ENPP6: variants seen among roughly 807,000 people sequenced by gnomAD.
ENPP6 encodes the protein ectonucleotide pyrophosphatase/phosphodiesterase 6.
Under a neutral mutation model 42.0 loss-of-function variants are expected in ENPP6, and 32 were observed. The ratio of observed to expected loss-of-function variants is 0.76; its 90% CI spans 0.58 to 1.02. The LOEUF (loss-of-function observed/expected upper bound fraction) is 1.02, where lower values mean the gene tolerates loss of function less well. Ranked by LOEUF, ENPP6 falls within the 50% of genes least tolerant of loss-of-function variation. The probability of loss-of-function intolerance (pLI) is 0.00; values close to 1 mark genes in which losing one functional copy is unlikely to be tolerated. For missense variants in ENPP6, 552 were observed against 566.8 expected, an observed-to-expected ratio of 0.97 and a Z score of 0.27; for synonymous variants, 213 against 216.0, an observed-to-expected ratio of 0.99 and a Z score of 0.12.
intron 6 of ENPP6, among the ~76,000 whole-genome samples, chr4:184,100,297 G>C (rs1179911376): frequency 6.6e-6 from 1 of 152,172 alleles, no homozygotes; most frequent in African/African-American, 2.4e-5. Flanking sequence ...TAGCACCTTT[G>C]CTTTGTACCT....
intron 1 of ENPP6, among the ~76,000 whole-genome samples, chr4:184,187,270 G>T (rs1004915720): frequency 2.0e-5 from 3 of 152,232 alleles, no homozygotes; most frequent in African/African-American, 7.2e-5. Context: ...GACCTTGCTT[G>T]GTCATTGGTC....
chr4:184,098,615 T>C (rs980491177), intron 6 of ENPP6, among the ~76,000 whole-genome samples: 1 of 152,190 alleles, frequency 6.6e-6, no homozygotes, highest in Admixed American at 6.5e-5. Context: ...TCAACCACTC[T>C]TCCTTTGGGA....
At chr4:184,215,582 A>G (rs542511978) in intron 1 of ENPP6, among the ~76,000 whole-genome samples, 1 of 152,316 alleles carries the variant, frequency 6.6e-6, no homozygotes, top group Non-Finnish European at 1.5e-5. Flanking sequence ...TACAAGACAA[A>G]TCATACCCAA....
In ENPP6 at chr4:184,112,767, C is replaced by G. The variant is rs150195560; in HGVS notation, c.898G>C (p.Glu300Gln). 1.4e-4 allele frequency: 222 copies of G among 1,613,980 alleles called. No individual in the cohort carries two copies. The highest frequency in any genetic ancestry group is 1.8e-4 in the Non-Finnish European group (215 of 1,180,046). Residue 300 changes from glutamate to glutamine, a missense_variant, in exon 6 of 8, where the codon GAG (glutamate) becomes CAG (glutamine). Physicochemically the swap from Glu to Gln is conservative, Grantham distance 29. This residue lies in a region of ENPP6 where 545 missense variants were observed against 546.3 expected (regional missense o/e 1.00). Coordinates refer to ENST00000296741, the MANE Select transcript of ENPP6 (RefSeq NM_153343.4). The stretch of plus-strand genomic sequence containing the variant: ...AACCTGCTTGGGATGGCTTCTTTCT[C>G]GTAGACAGTCATGTGTTCCACTGTG... Reference protein sequence around the residue: ...LSTVEHMTVYEKEAIPSRFYY... With the variant: ...LSTVEHMTVYQKEAIPSRFYY...
chr4:184,119,729 A>G (rs950413175), intron 3 of ENPP6, among the ~76,000 whole-genome samples: 2 of 152,096 alleles, frequency 1.3e-5, no homozygotes, highest in Non-Finnish European at 2.9e-5. Flanking sequence ...TGATTGGAGC[A>G]TGGGGGCTAT....
intron 1 of ENPP6, among the ~76,000 whole-genome samples, chr4:184,208,975 C>G (rs1244064321): frequency 1.8e-4 from 26 of 143,358 alleles, no homozygotes; most frequent in Non-Finnish European, 2.6e-4. Context: ...AGCAGGAGCA[C>G]ACTGACACCT....
At chr4:184,103,078 T>G (rs1736032741) in intron 6 of ENPP6, among the ~76,000 whole-genome samples, 1 of 152,218 alleles carries the variant, frequency 6.6e-6, no homozygotes, top group Non-Finnish European at 1.5e-5. Flanking sequence ...TCTTAGAAAG[T>G]TCAAAGGGCT....
At chr4:184,122,588 C>T (rs1249723283) in intron 3 of ENPP6, among the ~76,000 whole-genome samples, 4 of 152,204 alleles carry the variant, frequency 2.6e-5, no homozygotes, top group Non-Finnish European at 5.9e-5. Flanking sequence ...TGCCAACCTG[C>T]ACTGGCACTG....
chr4:184,211,377 TAG>T (rs1267304924), intron 1 of ENPP6, among the ~76,000 whole-genome samples: 1 of 151,926 alleles, frequency 6.6e-6, no homozygotes, highest in Admixed American at 6.6e-5. Context: ...AAGAATCAAA[TAG>T]ACGCAATAAA....
intron 2 of ENPP6, among the ~76,000 whole-genome samples, chr4:184,151,866 A>T (rs1271498327): frequency 6.6e-6 from 1 of 152,180 alleles, no homozygotes; most frequent in Non-Finnish European, 1.5e-5. Context: ...CCGTGCAGTG[A>T]CTTCCTTCCT....
At chr4:184,216,779 C>T (rs540879106) in intron 1 of ENPP6, 10 of 152,192 alleles carry the variant, frequency 6.6e-5, no homozygotes, top group African/African-American at 2.2e-4. Context: ...ATTCTATTAT[C>T]GCACGGATAG....
At chr4:184,113,893 T>C (rs915862043) in intron 5 of ENPP6, among the ~76,000 whole-genome samples, 5 of 149,740 alleles carry the variant, frequency 3.3e-5, no homozygotes, top group African/African-American at 7.5e-5. Context: ...TTCCTTCCTT[T>C]CTTTCTTTTC....
At chr4:184,119,517 A>T (rs1200171248) in intron 3 of ENPP6, among the ~76,000 whole-genome samples, 1 of 152,154 alleles carries the variant, frequency 6.6e-6, no homozygotes, top group Non-Finnish European at 1.5e-5. Context: ...GGTCATTGGA[A>T]CTAGACAAAT....
At chr4:184,153,115 A>C (rs141637409) in intron 2 of ENPP6, among the ~76,000 whole-genome samples, 1 of 144,510 alleles carries the variant, frequency 6.9e-6, no homozygotes. Flanking sequence ...CCCATAAGAC[A>C]TATTTCTTTT....
intron 2 of ENPP6, among the ~76,000 whole-genome samples, chr4:184,134,919 C>A (rs1323825234): frequency 6.6e-6 from 1 of 151,318 alleles, no homozygotes; most frequent in Admixed American, 6.6e-5. Context: ...TTTTACTATA[C>A]CTCAGTTCAA....
At chr4:184,108,282 C>G (rs149053833) in intron 6 of ENPP6, among the ~76,000 whole-genome samples, 2 of 152,190 alleles carry the variant, frequency 1.3e-5, no homozygotes, top group African/African-American at 2.4e-5. Context: ...GCTTTCGGGC[C>G]GAGAGTCTTG....
chr4:184,140,294 C>T (rs1354104209), intron 2 of ENPP6, among the ~76,000 whole-genome samples: 8 of 151,140 alleles, frequency 5.3e-5, no homozygotes, highest in African/African-American at 1.7e-4. Context: ...GAATCAATAT[C>T]GTGAAAATGG....
At chr4:184,131,362 C>CTT (rs374125883) in intron 2 of ENPP6, among the ~76,000 whole-genome samples, 1 of 129,410 alleles carries the variant, frequency 7.7e-6, no homozygotes, top group African/African-American at 2.9e-5. Flanking sequence ...TTTCTTCTTT[C>CTT]TTTTTTTTTG....
intron 2 of ENPP6, among the ~76,000 whole-genome samples, chr4:184,135,292 T>C (rs113728313): frequency 0.01 from 1,545 of 152,328 alleles, 22 homozygotes; most frequent in South Asian, 0.04. Flanking sequence ...AAAGATGTGT[T>C]TAAATCCACT....
Sources: allele counts gnomAD v4.1 joint callset (sites outside exome capture counted in the v4.1 genomes callset), GRCh38; gene constraint gnomAD v4.1.1; regional missense constraint gnomAD v4.1.1; transcripts MANE v1.5; gene names NCBI Gene and HGNC (gene_info 2026-07-23, HGNC 2026-07-21).